The following ZNF892 variants were observed in gnomAD, a reference collection of about 807,000 sequenced individuals.
ZNF892 encodes the protein zinc finger protein 892.
chr2:95,215,779 G>A, the ZNF892 span, among the ~76,000 whole-genome samples: 1 of 152,190 alleles, frequency 6.6e-6, no homozygotes, highest in African/African-American at 2.4e-5. Flanking sequence ...TTTTAAAAGT[G>A]TTCTGGCAGA....
At chr2:95,221,867 C>G in the ZNF892 span, among the ~76,000 whole-genome samples, 872 of 152,260 alleles carry the variant, frequency 5.7e-3, 10 homozygotes, top group African/African-American at 0.02. Flanking sequence ...AGATATTACC[C>G]TTGTAACTAC....
chr2:95,216,915 C>A, the ZNF892 span, among the ~76,000 whole-genome samples: 2 of 152,140 alleles, frequency 1.3e-5, no homozygotes, highest in African/African-American at 4.8e-5. Context: ...GTTCCTGAGG[C>A]TCTGTTCATT....
chr2:95,228,290 C>T, the ZNF892 span, among the ~76,000 whole-genome samples: 2 of 152,164 alleles, frequency 1.3e-5, no homozygotes, highest in Non-Finnish European at 2.9e-5. Context: ...GAGGGCTGGG[C>T]TTGGTGGCTG....
chr2:95,215,500 C>A, the ZNF892 span: 1 of 422,672 alleles, frequency 2.4e-6, no homozygotes, highest in South Asian at 1.0e-4. Context: ...TCATCCCTCT[C>A]TCAACATCAG....
the ZNF892 span, among the ~76,000 whole-genome samples, chr2:95,243,021 C>T: frequency 2.0e-5 from 3 of 152,304 alleles, no homozygotes; most frequent in South Asian, 2.1e-4. Context: ...GACTGGTTTT[C>T]GTATTTTTTT....
the ZNF892 span, among the ~76,000 whole-genome samples, chr2:95,261,540 C>CT: frequency 1.3e-5 from 2 of 152,222 alleles, no homozygotes; most frequent in Admixed American, 6.5e-5. Context: ...GGTGATTTGC[C>CT]TGCCTCAGCC....
At chr2:95,245,130 C>T in the ZNF892 span, among the ~76,000 whole-genome samples, 1 of 151,782 alleles carries the variant, frequency 6.6e-6, no homozygotes, top group Non-Finnish European at 1.5e-5. Context: ...GCTAAAAGAA[C>T]TAGAGAACCA....
the ZNF892 span, among the ~76,000 whole-genome samples, chr2:95,258,763 C>T: frequency 4.6e-5 from 7 of 152,138 alleles, no homozygotes; most frequent in Admixed American, 1.3e-4. Flanking sequence ...GCAAATGGGG[C>T]ATCTTAACCT....
chr2:95,251,852 A>G, the ZNF892 span, among the ~76,000 whole-genome samples: 1 of 152,254 alleles, frequency 6.6e-6, no homozygotes, highest in Non-Finnish European at 1.5e-5. Flanking sequence ...GGTCAGAGAC[A>G]AGAAAACGAA....
the ZNF892 span, among the ~76,000 whole-genome samples, chr2:95,249,500 G>T: frequency 2.0e-5 from 3 of 151,124 alleles, no homozygotes; most frequent in South Asian, 4.2e-4. Flanking sequence ...GCCCGCCTTA[G>T]CCTCCCAAAG....
the ZNF892 span, among the ~76,000 whole-genome samples, chr2:95,220,542 A>G: frequency 1.3e-5 from 2 of 152,082 alleles, no homozygotes; most frequent in Non-Finnish European, 2.9e-5. Flanking sequence ...TTTGTATATA[A>G]TATCCCGGAT....
At chr2:95,213,767 T>G in the ZNF892 span, among the ~76,000 whole-genome samples, 1 of 152,198 alleles carries the variant, frequency 6.6e-6, no homozygotes, top group Non-Finnish European at 1.5e-5. Flanking sequence ...TGTCTTATCT[T>G]GAGACAGTAG....
chr2:95,263,573 CA>C, the ZNF892 span, among the ~76,000 whole-genome samples: 1 of 152,080 alleles, frequency 6.6e-6, no homozygotes, highest in African/African-American at 2.4e-5. Context: ...AACTATACTG[CA>C]AAATCAGCAA....
chr2:95,214,924 TA>T, the ZNF892 span: 1 of 485,686 alleles, frequency 2.1e-6, no homozygotes. Context: ...CGGCATCATA[TA>T]ATTCATACTG....
the ZNF892 span, among the ~76,000 whole-genome samples, chr2:95,232,905 G>A: frequency 1.4e-5 from 1 of 72,246 alleles, no homozygotes; most frequent in Non-Finnish European, 2.8e-5. Flanking sequence ...CACATAATGG[G>A]TACTAAGTAC....
At chr2:95,234,539 C>T in the ZNF892 span, among the ~76,000 whole-genome samples, 10 of 152,180 alleles carry the variant, frequency 6.6e-5, no homozygotes, top group Admixed American at 6.5e-4. Flanking sequence ...TCTTCTTGTC[C>T]AATCACATTT....
At chr2:95,231,503 G>T in the ZNF892 span, among the ~76,000 whole-genome samples, 1 of 152,144 alleles carries the variant, frequency 6.6e-6, no homozygotes, top group Non-Finnish European at 1.5e-5. Flanking sequence ...GTACAGTTAA[G>T]ATTTACATAT....
chr2:95,221,870 G>A, the ZNF892 span, among the ~76,000 whole-genome samples: 1 of 152,138 alleles, frequency 6.6e-6, no homozygotes, highest in Non-Finnish European at 1.5e-5. Flanking sequence ...TATTACCCTT[G>A]TAACTACCAC....
the ZNF892 span, among the ~76,000 whole-genome samples, chr2:95,207,324 T>C: frequency 2.6e-5 from 4 of 152,056 alleles, no homozygotes. Flanking sequence ...CCGCCCAGAG[T>C]CGGCACCGAG....
Sources: allele counts gnomAD v4.1 joint callset (sites outside exome capture counted in the v4.1 genomes callset), GRCh38; gene constraint gnomAD v4.1.1; transcripts MANE v1.5; gene names NCBI Gene and HGNC (gene_info 2026-07-23, HGNC 2026-07-21).